LIFR: variants seen among roughly 807,000 people sequenced by gnomAD.
LIFR encodes LIF receptor subunit alpha.
LIFR carries 84 observed loss-of-function variants against 122.2 expected under a neutral mutation model. That is an observed-to-expected ratio of 0.69 (90% CI 0.58 to 0.82). The LOEUF is 0.82. LIFR is among the 40% of genes least tolerant of loss of function. The pLI is 0.00. For synonymous variants in LIFR, 422 were observed against 434.7 expected, an observed-to-expected ratio of 0.97 and a Z score of 0.36; for missense variants, 1,294 against 1,311.6, an observed-to-expected ratio of 0.99 and a Z score of 0.21.
At chr5:38,491,547 G>GC (rs1468861227) in intron 14 of LIFR, among the ~76,000 whole-genome samples, 1 of 152,194 alleles carries the variant, frequency 6.6e-6, no homozygotes, top group Admixed American at 6.5e-5. Flanking sequence ...ACGCAGGGGG[G>GC]ATTGGCAGCA....
chr5:38,506,404 G>T, intron 8 of LIFR, 99 bp downstream of exon 8: 1 of 1,419,266 alleles, frequency 7.0e-7, no homozygotes, highest in Non-Finnish European at 9.9e-7. Context: ...TTTATATCTT[G>T]TTTGTAACAT....
chr5:38,569,674 C>A lies in LIFR; in HGVS notation c.-20+25587G>T, dbSNP rs187667564. ...CTGGTGCCAGAAAGTTTGGGGACCG[C>A]TGCCCTACTGTGTGTCTTACAATCT... On this transcript the variant is annotated intron_variant, in intron 1 of 19. Coordinates refer to the LIFR transcript ENST00000263409. 8.5e-5 allele frequency among the ~76,000 whole-genome samples: 13 copies of A among 152,274 alleles called. No homozygotes were observed. In the East Asian group the frequency reaches 1.7e-3, roughly 20 times the overall value.
In LIFR at chr5:38,556,643, G is replaced by C. The variant is rs921002831; in HGVS notation, c.-329C>G. ...GCCACGGCCGAGTCGCTCCAGCCGG[G>C]ACTGCGGCGCGCGGGGGCGGCGCCT... On this transcript the variant is annotated 5_prime_UTR_variant, in exon 1 of 20. Transcript: ENST00000453190. 2.0e-5 allele frequency: 3 copies of C among 147,438 alleles called. No homozygotes were observed. The highest frequency in any genetic ancestry group is 7.3e-5 in the African/African-American group (3 of 40,844). 9.1% of individuals were successfully genotyped at this position (147,438 alleles called of 1,614,324 possible). A position where few individuals can be genotyped will look rare whatever the true frequency, so the allele number is the denominator to read the frequency against.
intron 12 of LIFR, among the ~76,000 whole-genome samples, chr5:38,497,195 A>C (rs1744927977): frequency 6.6e-6 from 1 of 152,198 alleles, no homozygotes; most frequent in Non-Finnish European, 1.5e-5. Flanking sequence ...AGGCGGGAGA[A>C]TCACTTGAAC....
intron 1 of LIFR, among the ~76,000 whole-genome samples, chr5:38,534,773 A>T (rs1201030870): frequency 1.3e-5 from 2 of 152,148 alleles, no homozygotes; most frequent in African/African-American, 4.8e-5. Flanking sequence ...ACAAACCCCC[A>T]TTGTAACACA....
chr5:38,532,212 C>T (rs1228661929), intron 1 of LIFR, among the ~76,000 whole-genome samples: 1 of 152,200 alleles, frequency 6.6e-6, no homozygotes. Context: ...ACAGGCCCTA[C>T]AGCCATGCCA....
rs76729790 is a variant in LIFR at position 38,494,929 on chromosome 5, A to C, written c.1886-1144T>G. 1.4e-3 allele frequency among the ~76,000 whole-genome samples: 214 copies of C among 152,352 alleles called. 2 individuals carry two copies. The highest frequency in any genetic ancestry group is 0.011 in the South Asian group (54 of 4,832). ...ATAACTGATTTATATTTAAGGGTTC[A>C]GTAAAAATAAACACAGACAAGTTTT... On this transcript the variant is annotated intron_variant, in intron 13 of 19. Transcript: ENST00000453190.
At chr5:38,502,854 T>C (rs892382605) in intron 10 of LIFR, 55 bp from the exon 11 acceptor site, 28 of 1,001,112 alleles carry the variant, frequency 2.8e-5, no homozygotes, top group Non-Finnish European at 3.6e-5. Flanking sequence ...TATGAATACA[T>C]ATATATATAC....
At chr5:38,485,736 G>A in intron 17 of LIFR, 83 bp downstream of exon 17, 2 of 1,471,448 alleles carry the variant, frequency 1.4e-6, no homozygotes, top group Non-Finnish European at 1.9e-6. Context: ...AAAGGGCGGG[G>A]AGGGGTTCCT....
intron 1 of LIFR, among the ~76,000 whole-genome samples, chr5:38,582,797 T>G (rs1333991499): frequency 3.3e-5 from 5 of 152,192 alleles, no homozygotes; most frequent in African/African-American, 4.8e-5. Flanking sequence ...ATCTGCACTT[T>G]TATCACAATG....
intron 1 of LIFR, among the ~76,000 whole-genome samples, chr5:38,533,552 A>G (rs1747132064): frequency 6.6e-6 from 1 of 152,190 alleles, no homozygotes; most frequent in Non-Finnish European, 1.5e-5. Context: ...TCCAGTGTAC[A>G]TGAGGTTTAG....
intron 2 of LIFR, among the ~76,000 whole-genome samples, chr5:38,601,211 C>T (rs1750216377): frequency 6.6e-6 from 1 of 152,206 alleles, no homozygotes. Flanking sequence ...CTTCCTCTTT[C>T]TGCCACGTGA....
intron 17 of LIFR, 43 bp downstream of exon 17, chr5:38,485,776 G>C: frequency 1.2e-6 from 2 of 1,601,028 alleles, no homozygotes; most frequent in Non-Finnish European, 1.7e-6. Context: ...AGAACACTAC[G>C]CATGCAGGAT....
At chr5:38,550,828 C>T (rs1022678311) in intron 1 of LIFR, among the ~76,000 whole-genome samples, 9 of 152,134 alleles carry the variant, frequency 5.9e-5, no homozygotes, top group African/African-American at 1.7e-4. Flanking sequence ...CTGGATTCTT[C>T]GGCAAATTAT....
chr5:38,506,173 A>G (rs1210745440), intron 8 of LIFR, 99 bp from the exon 9 acceptor site: 4 of 777,606 alleles, frequency 5.1e-6, no homozygotes, highest in Non-Finnish European at 8.4e-6. Context: ...AAAAAGTTTA[A>G]ATTTCTAATT....
intron 13 of LIFR, among the ~76,000 whole-genome samples, chr5:38,494,294 C>G (rs1744757011): frequency 6.6e-6 from 1 of 152,164 alleles, no homozygotes. Flanking sequence ...ACGAAGACTG[C>G]AGCCCAAGAG....
chr5:38,560,901 TTTG>T (rs1748814115), upstream of LIFR, among the ~76,000 whole-genome samples: 1 of 152,170 alleles, frequency 6.6e-6, no homozygotes, highest in African/African-American at 2.4e-5. Context: ...CAGCCTGTCT[TTTG>T]TTTATTTATA....
At chr5:38,599,494 C>T (rs1353942774), upstream of LIFR, among the ~76,000 whole-genome samples, 1 of 152,094 alleles carries the variant, frequency 6.6e-6, no homozygotes, top group African/African-American at 2.4e-5. Flanking sequence ...GTTCAGGAGT[C>T]ATCATTAGTA....
chr5:38,499,219 C>T (rs866594832), intron 12 of LIFR, among the ~76,000 whole-genome samples: 2 of 152,132 alleles, frequency 1.3e-5, no homozygotes, highest in Non-Finnish European at 2.9e-5. Context: ...TTCTAACCTA[C>T]AGATTTTGAC....
Sources: gnomAD v4.1 joint callset for allele counts (sites outside exome capture counted in the v4.1 genomes callset) on GRCh38, gnomAD v4.1.1 for gene constraint, MANE v1.5 for transcripts, NCBI Gene and HGNC (gene_info 2026-07-23, HGNC 2026-07-21) for gene names.